Variants in MAD1L1 observed in about 807,000 individuals in gnomAD.
The protein encoded by MAD1L1 is mitotic spindle assembly checkpoint protein MAD1.
In MAD1L1, 95 loss-of-function variants were observed where a neutral mutation model predicts 96.9. The observed-to-expected ratio is 0.98, with a 90% CI of 0.83 to 1.16. The LOEUF is 1.16. Among genes scored for constraint, MAD1L1 ranks in the 50% most tolerant of loss-of-function variants. MAD1L1 has a pLI of 0.00. For synonymous variants in MAD1L1, 473 were observed against 396.6 expected, an observed-to-expected ratio of 1.19 and a Z score of -2.29; for missense variants, 1,007 against 954.4, an observed-to-expected ratio of 1.06 and a Z score of -0.73.
chr7:2,000,761 G>C (rs916072244), intron 14 of MAD1L1, among the ~76,000 whole-genome samples: 1 of 152,244 alleles, frequency 6.6e-6, no homozygotes, highest in African/African-American at 2.4e-5. Flanking sequence ...TTAAGCAGCT[G>C]CTGAGTGAAC....
intron 18 of MAD1L1, among the ~76,000 whole-genome samples, chr7:1,855,474 T>C (rs745661305): frequency 4.6e-5 from 7 of 151,990 alleles, no homozygotes; most frequent in Non-Finnish European, 1.0e-4. Flanking sequence ...ACGCCTGGCC[T>C]GGAAAGAGCT....
chr7:2,086,966 A>G (rs1406651244), intron 11 of MAD1L1, among the ~76,000 whole-genome samples: 3 of 152,236 alleles, frequency 2.0e-5, no homozygotes, highest in African/African-American at 7.2e-5. Flanking sequence ...TTCAGGAAAA[A>G]GTTTTAAAAC....
At chr7:2,135,763 G>A (rs1444228964) in intron 11 of MAD1L1, among the ~76,000 whole-genome samples, 2 of 152,222 alleles carry the variant, frequency 1.3e-5, no homozygotes, top group Admixed American at 6.5e-5. Context: ...TGACGTGTGT[G>A]CACATGTCCC....
intron 13 of MAD1L1, among the ~76,000 whole-genome samples, chr7:2,014,020 G>A (rs1477423343): frequency 1.3e-5 from 2 of 152,140 alleles, no homozygotes; most frequent in East Asian, 3.9e-4. Context: ...CAACAAGGAG[G>A]AACACCTCTC....
At chr7:1,950,689 T>C (rs1376138506) in intron 16 of MAD1L1, among the ~76,000 whole-genome samples, 3 of 152,168 alleles carry the variant, frequency 2.0e-5, no homozygotes, top group Non-Finnish European at 4.4e-5. Context: ...TTCGCCACCC[T>C]CTGCTGCCTC....
intron 12 of MAD1L1, among the ~76,000 whole-genome samples, chr7:2,020,668 G>A (rs982516864): frequency 6.6e-6 from 1 of 152,156 alleles, no homozygotes; most frequent in African/African-American, 2.4e-5. Context: ...AGAGACGAAG[G>A]AAAACATCGG....
rs565404279 is a variant in MAD1L1 at position 1,985,760 on chromosome 7, G to A, written c.1417-5219C>T. Among the ~76,000 whole-genome samples, 11 of 141,614 alleles carry A rather than the reference G, an allele frequency of 7.8e-5. No homozygotes were observed. The South Asian group carries it at 2.5e-3, about 32-fold the overall frequency. The allele number at this position is 141,614 out of a possible 152,430, so 92.9% of individuals were successfully genotyped here. ...AGTTTTCCCCGTGATTCGCCTCCCCGTGCATCCGGTCACCTTCCTTCCTGT... is the reference window on the plus strand; with the variant it reads ...AGTTTTCCCCGTGATTCGCCTCCCCATGCATCCGGTCACCTTCCTTCCTGT... On this transcript the variant is annotated intron_variant, in intron 14 of 18. Coordinates refer to ENST00000265854, the MANE Select transcript of MAD1L1 (RefSeq NM_001013836.2).
chr7:2,003,503 C>T (rs544092470), intron 13 of MAD1L1, among the ~76,000 whole-genome samples: 6 of 152,192 alleles, frequency 3.9e-5, no homozygotes, highest in Non-Finnish European at 7.4e-5. Flanking sequence ...GGACTTCCCA[C>T]GGGCTATCCT....
chr7:2,119,866 T>G lies in MAD1L1; in HGVS notation c.1073+29286A>C, dbSNP rs1584369878. 6.6e-6 allele frequency among the ~76,000 whole-genome samples: 1 copy of G among 152,114 alleles called. No homozygotes were observed. Among genetic ancestry groups the G allele is most frequent in the East Asian group, 1.9e-4 (1 of 5,188 alleles). ...TCCTCGCTGGGGTCCAGGACTCTGA[T>G]CTGGGATCTCCCCTCCTTCCAAGCA... On this transcript the variant is annotated intron_variant, in intron 11 of 18. Coordinates refer to ENST00000265854, the MANE Select transcript of MAD1L1 (RefSeq NM_001013836.2). This position sits in a 1 kb window ranked among gnomAD's most constrained non-coding sequence, Gnocchi z 4.6.
intron 10 of MAD1L1, among the ~76,000 whole-genome samples, chr7:2,152,905 G>A (rs4721446): frequency 0.25 from 38,488 of 152,044 alleles, 6,122 homozygotes; most frequent in East Asian, 0.36. Flanking sequence ...TCTGGATGTC[G>A]CCGGGGACAT....
chr7:2,060,883 C>T (rs1157532217), intron 12 of MAD1L1, among the ~76,000 whole-genome samples: 1 of 152,262 alleles, frequency 6.6e-6, no homozygotes, highest in Non-Finnish European at 1.5e-5. Flanking sequence ...GCACCAGCAT[C>T]AGCAAACGTC....
intron 11 of MAD1L1, among the ~76,000 whole-genome samples, chr7:2,108,107 A>G (rs1562694534): frequency 1.3e-5 from 2 of 152,222 alleles, no homozygotes; most frequent in Admixed American, 1.3e-4. Context: ...AAGGAGCACT[A>G]AAGATTTTCA....
At chr7:2,228,542 T>A (rs1794028040) in intron 3 of MAD1L1, among the ~76,000 whole-genome samples, 1 of 150,724 alleles carries the variant, frequency 6.6e-6, no homozygotes, top group African/African-American at 2.4e-5. Context: ...CATGAGCCAC[T>A]GCAACCAGCT....
chr7:2,095,860 C>T (rs1010942471), intron 11 of MAD1L1, among the ~76,000 whole-genome samples: 3 of 152,158 alleles, frequency 2.0e-5, no homozygotes, highest in African/African-American at 7.2e-5. Context: ...GCACACTTGC[C>T]GGCAGCCCTA....
chr7:2,041,031 G>T (rs1783650079), intron 12 of MAD1L1, among the ~76,000 whole-genome samples: 1 of 152,126 alleles, frequency 6.6e-6, no homozygotes, highest in South Asian at 2.1e-4. Flanking sequence ...CAGCACACAA[G>T]GGCTCCATCC....
Position 2,225,665 on chromosome 7 carries a change from TAA to T in MAD1L1, c.151-117_151-116del, listed in dbSNP as rs1340631535. On this transcript the variant is annotated intron_variant, in intron 3 of 18. Transcript: ENST00000265854. ...GGACCCATTCCCGCAGGTCCCGTGC[TAA>T]GTCTTGATGTGGCCCAGCCACTGGG... 2.2e-5 allele frequency: 26 copies of T among 1,179,264 alleles called. No individual in the cohort carries two copies. The Admixed American group carries it at 3.6e-4, about 16-fold the overall frequency. 73.1% of individuals were successfully genotyped at this position (1,179,264 alleles called of 1,614,324 possible).
At chr7:2,081,613 C>T (rs1785652179) in intron 11 of MAD1L1, among the ~76,000 whole-genome samples, 1 of 152,240 alleles carries the variant, frequency 6.6e-6, no homozygotes, top group Non-Finnish European at 1.5e-5. Flanking sequence ...TTCACTCCCT[C>T]GACCAGCCAG....
intron 12 of MAD1L1, among the ~76,000 whole-genome samples, chr7:2,064,177 C>A (rs1043444908): frequency 1.3e-5 from 2 of 152,204 alleles, no homozygotes; most frequent in African/African-American, 4.8e-5. Flanking sequence ...AGGAGCCCAG[C>A]CTCAGGCAGC....
rs183164618 is a variant in MAD1L1, at chr7:2,222,059, G to T, written c.471+516C>A. On this transcript the variant is annotated intron_variant, in intron 5 of 18. Transcript: ENST00000265854. ...TCCATTTAAATTCATAATTACAAAG[G>T]CAAAAAAGTGCTTAACTTTTTTTTT... Among the ~76,000 whole-genome samples, 595 of 149,860 alleles carry T rather than the reference G, an allele frequency of 4.0e-3. 2 individuals carry two copies. The highest frequency in any genetic ancestry group is 6.6e-3 in the Non-Finnish European group (445 of 67,712).
Sources: gnomAD v4.1 joint callset for allele counts (sites outside exome capture counted in the v4.1 genomes callset) on GRCh38, gnomAD v4.1.1 for gene constraint, Gnocchi (gnomAD v3.1) non-coding constraint, MANE v1.5 for transcripts, NCBI Gene and HGNC (gene_info 2026-07-23, HGNC 2026-07-21) for gene names.